XPO4: variants seen among roughly 807,000 people sequenced by gnomAD.
XPO4 encodes exportin 4, also known as exportin-4.
A neutral mutation model predicts 143.0 loss-of-function variants in XPO4; 39 were observed. That is an observed-to-expected ratio of 0.27 (90% CI 0.21 to 0.36). The LOEUF is 0.36. XPO4 is among the 10% of genes least tolerant of loss of function. The probability of loss-of-function intolerance (pLI) is 1.00; values close to 1 mark genes in which losing one functional copy is unlikely to be tolerated. For synonymous variants in XPO4, 439 were observed against 474.0 expected, an observed-to-expected ratio of 0.93 and a Z score of 0.96; for missense variants, 907 against 1,348.0, an observed-to-expected ratio of 0.67 and a Z score of 5.12.
intron 1 of XPO4, among the ~76,000 whole-genome samples, chr13:20,882,123 AAAAAGAAAGAAAG>A (rs2060416878): frequency 6.6e-6 from 1 of 150,822 alleles, no homozygotes; most frequent in Non-Finnish European, 1.5e-5. Flanking sequence ...AAAAAAAAAA[AAAAAGAAAGAAAG>A]AAAAGAAAAT....
rs536300541 is a variant in XPO4 at position 20,895,570 on chromosome 13, T to G, written c.69+7100A>C. ...TCACTTGAACCTGAGAGGCAGAAGT[T>G]GCAGTGAGCCGAGATCGCACCATTG... is the stretch of plus-strand genomic sequence containing the variant. On this transcript the variant is annotated intron_variant, in intron 1 of 22. Coordinates refer to ENST00000255305, the MANE Select transcript of XPO4 (RefSeq NM_022459.5). Among the ~76,000 whole-genome samples the G allele has an allele frequency of 4.0e-5, 6 of 150,744 alleles. No homozygotes were observed. In the South Asian group the frequency reaches 1.3e-3, roughly 32 times the overall value.
At chr13:20,811,104 G>A (rs1157322927) in intron 9 of XPO4, among the ~76,000 whole-genome samples, 2 of 152,148 alleles carry the variant, frequency 1.3e-5, no homozygotes, top group East Asian at 1.9e-4. Flanking sequence ...CATTTATATC[G>A]CAGAGAGAGC....
intron 1 of XPO4, among the ~76,000 whole-genome samples, chr13:20,884,909 G>A (rs957786405): frequency 6.6e-6 from 1 of 152,106 alleles, no homozygotes; most frequent in Admixed American, 6.6e-5. Context: ...TTAAAACTCT[G>A]GACAGCAATA....
intron 9 of XPO4, among the ~76,000 whole-genome samples, chr13:20,818,995 T>C (rs2059685613): frequency 6.6e-6 from 1 of 152,056 alleles, no homozygotes; most frequent in African/African-American, 2.4e-5. Flanking sequence ...TAATTTTTTA[T>C]ATTTTTAAGT....
At chr13:20,807,006 A>G (rs1389610571) in intron 13 of XPO4, among the ~76,000 whole-genome samples, 3 of 152,154 alleles carry the variant, frequency 2.0e-5, no homozygotes, top group East Asian at 1.9e-4. Context: ...TTTAGAATAC[A>G]TATTTCCATT....
intron 1 of XPO4, among the ~76,000 whole-genome samples, chr13:20,884,364 G>T (rs2060441865): frequency 6.6e-6 from 1 of 152,148 alleles, no homozygotes; most frequent in Non-Finnish European, 1.5e-5. Flanking sequence ...GCAAGAGGGT[G>T]AGACCCTGTC....
chr13:20,807,865 G>A (rs1227838186), intron 12 of XPO4, among the ~76,000 whole-genome samples: 1 of 152,080 alleles, frequency 6.6e-6, no homozygotes, highest in East Asian at 1.9e-4. Context: ...GTAATTCATA[G>A]GGGCTTTTTA....
chr13:20,833,042 T>G (rs1313223463), intron 6 of XPO4, among the ~76,000 whole-genome samples: 2 of 152,006 alleles, frequency 1.3e-5, no homozygotes, highest in Admixed American at 6.6e-5. Flanking sequence ...CTGCCAAACA[T>G]TCTTGTTACA....
At chr13:20,875,723 A>G (rs1392754872) in intron 1 of XPO4, among the ~76,000 whole-genome samples, 1 of 152,128 alleles carries the variant, frequency 6.6e-6, no homozygotes, top group African/African-American at 2.4e-5. Flanking sequence ...AGGGCTACAG[A>G]ACCAGAAAGA....
chr13:20,863,444 A>G (rs2060218984), intron 2 of XPO4, among the ~76,000 whole-genome samples: 1 of 152,206 alleles, frequency 6.6e-6, no homozygotes, highest in South Asian at 2.1e-4. Context: ...GAATTTTCTG[A>G]TTGCAGTACT....
chr13:20,821,117 G>T (rs946483909), intron 9 of XPO4, among the ~76,000 whole-genome samples: 1 of 151,850 alleles, frequency 6.6e-6, no homozygotes, highest in South Asian at 2.1e-4. Context: ...TTGGAAATTT[G>T]TACCAAAAAA....
chr13:20,835,856 C>A (rs1366542058), intron 6 of XPO4, among the ~76,000 whole-genome samples: 2 of 151,334 alleles, frequency 1.3e-5, no homozygotes, highest in Non-Finnish European at 2.9e-5. Flanking sequence ...TCTTCCTCCT[C>A]CTCCTGAGCC....
At chr13:20,822,104 T>G (rs2059727592) in intron 8 of XPO4, 28 bp downstream of exon 8, 1 of 1,574,760 alleles carries the variant, frequency 6.4e-7, no homozygotes, top group African/African-American at 1.4e-5. Context: ...GAGCTCCTTT[T>G]TCAGCTGCAA....
Position 20,862,778 on chromosome 13 carries a change from C to T in XPO4, c.256G>A (p.Glu86Lys). Reference protein sequence around the residue: ...EAVVREWILLEKGSIESLRTF... With the variant: ...EAVVREWILLKKGSIESLRTF... Reference sequence around the variant, plus strand: ...CGCAGAGACTCGATGCTACCTTTTTCCAAGAGAATCCACTCTCGGACAACT... The same window carrying T: ...CGCAGAGACTCGATGCTACCTTTTTTCAAGAGAATCCACTCTCGGACAACT... Residue 86 changes from glutamate (E) to lysine (K), a missense_variant, in exon 3 of 23, where the codon GAA becomes AAA. By Grantham distance (56) the Glu-to-Lys change is moderately conservative (BLOSUM62 1). Coordinates refer to ENST00000255305, the MANE Select transcript of XPO4 (RefSeq NM_022459.5). 1 of 1,614,148 alleles carries T rather than the reference C, an allele frequency of 6.2e-7. No homozygotes were observed. Among genetic ancestry groups the T allele is most frequent in the Non-Finnish European group, 8.5e-7 (1 of 1,180,020 alleles).
At chr13:20,825,079 G>A (rs2059767811) in intron 7 of XPO4, among the ~76,000 whole-genome samples, 1 of 152,092 alleles carries the variant, frequency 6.6e-6, no homozygotes, top group South Asian at 2.1e-4. Context: ...TATGTGATGA[G>A]CAAAGAAGGA....
At chr13:20,897,255 T>G (rs2138190999) in intron 1 of XPO4, among the ~76,000 whole-genome samples, 1 of 152,310 alleles carries the variant, frequency 6.6e-6, no homozygotes, top group Non-Finnish European at 1.5e-5. Flanking sequence ...ATAAAGGCAG[T>G]GTACCTTACA....
intron 1 of XPO4, among the ~76,000 whole-genome samples, chr13:20,895,424 A>G (rs1185333597): frequency 1.3e-5 from 2 of 151,924 alleles, no homozygotes; most frequent in Non-Finnish European, 1.5e-5. Context: ...CTGTGATCAG[A>G]AGTTCAAAAC....
intron 4 of XPO4, chr13:20,849,846 C>T (rs931415240): frequency 1.0e-6 from 1 of 979,624 alleles, no homozygotes; most frequent in South Asian, 4.7e-5. Context: ...TGGCTCACAC[C>T]TGTAATCCCA....
At position 20,800,224 on chromosome 13, in the gene XPO4, C is replaced by A. The variant is rs2059413920; in HGVS notation, c.2079G>T (p.Trp693Cys). Residue 693 changes from tryptophan to cysteine, a missense_variant, in exon 15 of 23, where the codon TGG (tryptophan) becomes TGT (cysteine). By Grantham distance (215) the Trp-to-Cys change is radical (BLOSUM62 -2). Coordinates refer to ENST00000255305, the MANE Select transcript of XPO4 (RefSeq NM_022459.5). Reference protein sequence around the residue: ...LQKVISNLSVWSSEQDLANDT... With the variant: ...LQKVISNLSVCSSEQDLANDT... ...CATTTGCAAGGTCCTGCTCACTACT[C>A]CAGACTGAGAGGTTACTGATGACTT... 1 of 1,614,148 alleles carries A rather than the reference C, an allele frequency of 6.2e-7. No homozygotes were observed. The highest frequency in any genetic ancestry group is 8.5e-7 in the Non-Finnish European group (1 of 1,180,030).
Sources: allele counts gnomAD v4.1 joint callset (sites outside exome capture counted in the v4.1 genomes callset), GRCh38; gene constraint gnomAD v4.1.1; transcripts MANE v1.5; gene names NCBI Gene and HGNC (gene_info 2026-07-23, HGNC 2026-07-21).